Variants in FBXO46 observed in about 807,000 individuals in gnomAD.
FBXO46 encodes F-box only protein 46.
Under a neutral mutation model 30.7 loss-of-function variants are expected in FBXO46, and 13 were observed. The ratio of observed to expected loss-of-function variants is 0.42; its 90% confidence interval spans 0.28 to 0.67. FBXO46 has a LOEUF of 0.67. Among genes scored for constraint, FBXO46 ranks in the 30% least tolerant of loss-of-function variants. FBXO46 has a pLI of 0.21. For missense variants in FBXO46, 754 were observed against 871.5 expected (o/e 0.87, Z 1.70); for synonymous variants, 467 against 385.8 (o/e 1.21, Z -2.47).
Position 45,712,806 on chromosome 19 carries a change from G to C in FBXO46, c.690C>G (p.Ala230=). The change falls in exon 2 of 2, where the codon GCC becomes GCG. Residue 230 remains alanine, a synonymous_variant. Coordinates refer to ENST00000317683, the MANE Select transcript of FBXO46 (RefSeq NM_001080469.2). The surrounding 1 kb of genome is among the most constrained non-coding windows in gnomAD (Gnocchi z 8.8). ...CCCTCTGCGCTTCAAAGTGGGCCAC[G>C]GCCTCGGCTACACGGCTGCAGTCCC... is the stretch of plus-strand genomic sequence containing the variant. ...GGGDCSRVAE[A]VAHFEAQRDS... 3.7e-6 allele frequency: 6 copies of C among 1,612,344 alleles called. No individual in the cohort carries two copies. The highest frequency in any genetic ancestry group is 4.2e-6 in the Non-Finnish European group (5 of 1,179,254).
Position 45,712,516 on chromosome 19 carries a change from A to G in FBXO46, c.980T>C (p.Leu327Pro). ...CTCACTGGCCTCATCCGCCCTGGCCAGCAGGAACTCCACGTTGCTGGGGAG... is the reference window on the plus strand; with the variant it reads ...CTCACTGGCCTCATCCGCCCTGGCCGGCAGGAACTCCACGTTGCTGGGGAG... Reference protein sequence around the residue: ...DALPSNVEFLLARADEASEGD... With the variant: ...DALPSNVEFLPARADEASEGD... Residue 327 changes from leucine to proline, a missense_variant, in exon 2 of 2, where the codon CTG becomes CCG. By Grantham distance (98) the Leu-to-Pro change is moderately conservative. Coordinates refer to ENST00000317683, the MANE Select transcript of FBXO46 (RefSeq NM_001080469.2). The surrounding 1 kb of genome is among the most constrained non-coding windows in gnomAD (Gnocchi z 8.8). The G allele has an allele frequency of 6.2e-7, 1 of 1,603,118 alleles. No homozygotes were observed. Among genetic ancestry groups the G allele is most frequent in the Non-Finnish European group, 8.5e-7 (1 of 1,174,004 alleles).
chr19:45,715,821 AAAAAAG>A (rs1568546763), intron 1 of FBXO46: 2 of 151,194 alleles, frequency 1.3e-5, no homozygotes, highest in African/African-American at 4.9e-5. Context: ...AAAAAAAAAA[AAAAAAG>A]AAAGAAAACA....
At position 45,724,901 on chromosome 19, in the gene FBXO46, T is replaced by C. The variant is rs1432772248; in HGVS notation, c.-79+5948A>G. On this transcript the variant is annotated intron_variant, in intron 1 of 1. Transcript: ENST00000317683. ...CTCCTGACCTCAAGAGATCTGCCCA[T>C]GTAGGCCTCCCAAAGTGCTGGGATT... is the stretch of plus-strand genomic sequence containing the variant. Among the ~76,000 whole-genome samples, 3 of 152,064 alleles carry C rather than the reference T, an allele frequency of 2.0e-5. No individual in the cohort carries two copies. In the South Asian group the frequency reaches 6.2e-4, roughly 32 times the overall value.
chr19:45,726,783 G>C (rs940367705), intron 1 of FBXO46, among the ~76,000 whole-genome samples: 10 of 152,022 alleles, frequency 6.6e-5, no homozygotes, highest in African/African-American at 2.4e-4. Context: ...AAGATTATAA[G>C]CATGAGCCAC....
At chr19:45,729,078 GCAA>G (rs909121733) in intron 1 of FBXO46, among the ~76,000 whole-genome samples, 2 of 150,466 alleles carry the variant, frequency 1.3e-5, no homozygotes, top group African/African-American at 4.9e-5. Flanking sequence ...CTCCGCCTGG[GCAA>G]CAAGAGCGAA....
chr19:45,725,892 G>A (rs1278663552), intron 1 of FBXO46, among the ~76,000 whole-genome samples: 1 of 151,948 alleles, frequency 6.6e-6, no homozygotes, highest in Non-Finnish European at 1.5e-5. Context: ...TTGTTTGTTT[G>A]AGATGGTCTC....
At chr19:45,728,044 C>A (rs571270768) in intron 1 of FBXO46, among the ~76,000 whole-genome samples, 1 of 152,320 alleles carries the variant, frequency 6.6e-6, no homozygotes, top group Non-Finnish European at 1.5e-5. Context: ...TCAAGAGATT[C>A]TCCTGCCTCA....
chr19:45,727,940 C>T (rs569591501), intron 1 of FBXO46, among the ~76,000 whole-genome samples: 1 of 152,240 alleles, frequency 6.6e-6, no homozygotes, highest in South Asian at 2.1e-4. Context: ...CACTGAGTTT[C>T]CTTGTTCTTT....
At chr19:45,731,246 C>T (rs142131794), upstream of FBXO46, among the ~76,000 whole-genome samples, 3 of 151,578 alleles carry the variant, frequency 2.0e-5, no homozygotes, top group Non-Finnish European at 4.4e-5. Context: ...TTTATTGATT[C>T]ATTTGTGCCG....
chr19:45,711,269 A>G lies in FBXO46; in HGVS notation c.*415T>C. 4.6e-6 allele frequency: 2 copies of G among 430,784 alleles called. No individual in the cohort carries two copies. Among genetic ancestry groups the G allele is most frequent in the Non-Finnish European group, 9.0e-6 (2 of 222,340 alleles). 26.7% of individuals were successfully genotyped at this position (430,784 alleles called of 1,614,324 possible). A position where few individuals can be genotyped will look rare whatever the true frequency, so the allele number is the denominator to read the frequency against. On this transcript the variant is annotated 3_prime_UTR_variant, in exon 2 of 2. Transcript: ENST00000317683. The stretch of plus-strand genomic sequence containing the variant: ...TGGGCGATGCGGCTTCTTGGGAAAT[A>G]ACAGCTCCAGCGAGAAAGAATTGGG...
intron 1 of FBXO46, among the ~76,000 whole-genome samples, chr19:45,722,783 G>A (rs970239086): frequency 7.4e-5 from 11 of 148,458 alleles, no homozygotes; most frequent in Admixed American, 4.8e-4. Flanking sequence ...AAAGTGGGCT[G>A]GGTGTGATGA....
intron 1 of FBXO46, among the ~76,000 whole-genome samples, chr19:45,724,643 CA>C (rs1226703230): frequency 5.3e-5 from 8 of 149,638 alleles, no homozygotes; most frequent in South Asian, 2.1e-4. Context: ...CCTGTCTCTA[CA>C]AAAAAAAAAT....
At chr19:45,716,334 A>G (rs1381209597) in intron 1 of FBXO46, 1 of 152,220 alleles carries the variant, frequency 6.6e-6, no homozygotes, top group Non-Finnish European at 1.5e-5. Flanking sequence ...TACAGATGCC[A>G]TCCTGCTACA....
At chr19:45,730,800 AC>A (rs1256596870) in intron 1 of FBXO46, 48 bp downstream of exon 1, 1 of 150,758 alleles carries the variant, frequency 6.6e-6, no homozygotes, top group Non-Finnish European at 1.5e-5. Flanking sequence ...CCGGTCCCGA[AC>A]CCCCGTCCCG....
chr19:45,721,210 C>T (rs1239644352), intron 1 of FBXO46, among the ~76,000 whole-genome samples: 2 of 151,594 alleles, frequency 1.3e-5, no homozygotes. Flanking sequence ...AAAAATTAGC[C>T]AGCATGTGCC....
chr19:45,721,825 G>A (rs371883067), intron 1 of FBXO46, among the ~76,000 whole-genome samples: 8 of 150,590 alleles, frequency 5.3e-5, no homozygotes, highest in East Asian at 3.9e-4. Flanking sequence ...GAGCCACCAC[G>A]CCCGGCACCA....
chr19:45,718,942 T>TAAAAAAAAAAAAAAAAAAA (rs397954439), intron 1 of FBXO46, among the ~76,000 whole-genome samples: 4 of 119,440 alleles, frequency 3.3e-5, no homozygotes, highest in African/African-American at 1.3e-4. Context: ...CATTACCCCT[T>TAAAAAAAAAAAAAAAAAAA]AAAAAAAAAA....
intron 1 of FBXO46, among the ~76,000 whole-genome samples, chr19:45,725,776 T>C (rs1395376064): frequency 1.3e-5 from 2 of 152,094 alleles, no homozygotes; most frequent in Non-Finnish European, 2.9e-5. Flanking sequence ...ATGGACTACT[T>C]AAGGAATGAA....
intron 1 of FBXO46, among the ~76,000 whole-genome samples, chr19:45,720,647 T>G (rs1968157524): frequency 6.6e-6 from 1 of 151,974 alleles, no homozygotes; most frequent in Non-Finnish European, 1.5e-5. Flanking sequence ...TTTGTACTGA[T>G]GAGGTCTCAC....
Sources: gnomAD v4.1 joint callset for allele counts (sites outside exome capture counted in the v4.1 genomes callset) on GRCh38, gnomAD v4.1.1 for gene constraint, Gnocchi (gnomAD v3.1) non-coding constraint, MANE v1.5 for transcripts, NCBI Gene and HGNC (gene_info 2026-07-23, HGNC 2026-07-21) for gene names.